The following CETN3 variants were observed in gnomAD, a reference collection of about 807,000 sequenced individuals.
The protein encoded by CETN3 is centrin 3.
Under a neutral mutation model 20.1 loss-of-function variants are expected in CETN3, and 17 were observed. That is an observed-to-expected ratio of 0.85 (90% CI 0.58 to 1.27). CETN3 has a LOEUF of 1.27. Among genes scored for constraint, CETN3 ranks in the 50% most tolerant of loss-of-function variants. The pLI is 0.00. For missense variants in CETN3, 169 were observed against 191.2 expected (o/e 0.88, Z 0.69); for synonymous variants, 52 against 59.7 (o/e 0.87, Z 0.59).
At chr5:90,402,200 C>G (rs143021840) in intron 3 of CETN3, among the ~76,000 whole-genome samples, 10 of 151,864 alleles carry the variant, frequency 6.6e-5, no homozygotes, top group South Asian at 2.1e-4. Flanking sequence ...CCATCCTCAG[C>G]GAAAAAAATA....
intron 4 of CETN3, chr5:90,396,221 A>T: frequency 1.0e-6 from 1 of 985,342 alleles, no homozygotes; most frequent in Non-Finnish European, 1.2e-6. Context: ...GTTAGGAAAA[A>T]TGCACCCTCC....
At chr5:90,402,989 G>A (rs538575613) in intron 3 of CETN3, among the ~76,000 whole-genome samples, 1 of 152,188 alleles carries the variant, frequency 6.6e-6, no homozygotes, top group Non-Finnish European at 1.5e-5. Flanking sequence ...GCAATAATAA[G>A]TAGTACATGT....
Position 90,402,382 on chromosome 5 carries a change from C to T in CETN3, c.269-2833G>A, listed in dbSNP as rs572849491. Among the ~76,000 whole-genome samples, 21 of 152,268 alleles carry T rather than the reference C, an allele frequency of 1.4e-4. No individual in the cohort carries two copies. The East Asian group carries it at 2.7e-3, about 20-fold the overall frequency. ...AAGACTTTACCAATCTGGCCCAATCCTATGTTTCCAGTCATTTCCCTATGT... is the reference window on the plus strand; with the variant it reads ...AAGACTTTACCAATCTGGCCCAATCTTATGTTTCCAGTCATTTCCCTATGT... On this transcript the variant is annotated intron_variant, in intron 3 of 4. Transcript: ENST00000283122.
At chr5:90,400,017 C>T (rs946118767) in intron 3 of CETN3, among the ~76,000 whole-genome samples, 2 of 152,124 alleles carry the variant, frequency 1.3e-5, no homozygotes, top group South Asian at 2.1e-4. Flanking sequence ...AAATTTAATC[C>T]AACTTCAAAA....
At chr5:90,394,898 C>T (rs956036465) in intron 4 of CETN3, among the ~76,000 whole-genome samples, 11 of 152,096 alleles carry the variant, frequency 7.2e-5, no homozygotes, top group Admixed American at 2.0e-4. Context: ...GAAAACCCGA[C>T]ATATGCGCAC....
intron 3 of CETN3, among the ~76,000 whole-genome samples, chr5:90,401,033 T>C (rs552996333): frequency 1.3e-5 from 2 of 152,274 alleles, no homozygotes; most frequent in African/African-American, 4.8e-5. Flanking sequence ...ATAATTTACA[T>C]GACAGGTGAA....
chr5:90,394,890 A>T (rs1749102444), intron 4 of CETN3, among the ~76,000 whole-genome samples: 1 of 152,142 alleles, frequency 6.6e-6, no homozygotes, highest in African/African-American at 2.4e-5. Context: ...ATAATTTTGA[A>T]AACCCGACAT....
At chr5:90,394,386 TCA>T (rs1749093111) in intron 4 of CETN3, among the ~76,000 whole-genome samples, 1 of 152,004 alleles carries the variant, frequency 6.6e-6, no homozygotes. Context: ...AAAAAGTCAA[TCA>T]CAGTCATATT....
chr5:90,396,848 T>G (rs1749148056), intron 4 of CETN3, among the ~76,000 whole-genome samples: 1 of 152,058 alleles, frequency 6.6e-6, no homozygotes, highest in Admixed American at 6.6e-5. Context: ...ACGGTCAGCC[T>G]TCTGTAACCA....
intron 3 of CETN3, among the ~76,000 whole-genome samples, chr5:90,399,923 A>T (rs1749238813): frequency 6.6e-6 from 1 of 152,208 alleles, no homozygotes; most frequent in Non-Finnish European, 1.5e-5. Flanking sequence ...CTACCTGTGG[A>T]GAGACATACC....
At position 90,394,012 on chromosome 5, in the gene CETN3, TAGAATATA is replaced by T; in HGVS notation, c.*44_*51del. ...TTTCACATGGCTCCAGGCACAAAAA[TAGAATATA>T]AGATGGTAACTGCAACATTCTTAGT... On this transcript the variant is annotated 3_prime_UTR_variant, in exon 5 of 5. Transcript: ENST00000283122. The T allele has an allele frequency of 7.8e-7, 1 of 1,281,434 alleles. No homozygotes were observed. Among genetic ancestry groups the T allele is most frequent in the Non-Finnish European group, 1.1e-6 (1 of 899,180 alleles). 79.4% of individuals were successfully genotyped at this position (1,281,434 alleles called of 1,614,324 possible).
At chr5:90,406,456 TG>T (rs1749445363) in intron 2 of CETN3, among the ~76,000 whole-genome samples, 1 of 151,460 alleles carries the variant, frequency 6.6e-6, no homozygotes, top group Admixed American at 6.6e-5. Context: ...TTACCTCACC[TG>T]AATTAGAAAA....
rs748283081 is a variant in CETN3 at position 90,407,742 on chromosome 5, A to G, written c.110T>C (p.Phe37Ser). Residue 37 changes from phenylalanine (F) to serine (S), a missense_variant, in exon 2 of 5, where the codon TTT becomes TCT. Physicochemically the swap from Phe to Ser is radical, Grantham distance 155. Coordinates refer to ENST00000283122, the MANE Select transcript of CETN3 (RefSeq NM_004365.4). ...KQEIKDAFEL[F>S]DTDKDEAIDY... ...TATTGCTTCATCTTTGTCTGTATCAAATAGTTCAAAAGCATCTTTAATTTC... is the reference window on the plus strand; with the variant it reads ...TATTGCTTCATCTTTGTCTGTATCAGATAGTTCAAAAGCATCTTTAATTTC... 2.5e-6 allele frequency: 4 copies of G among 1,586,410 alleles called. No individual in the cohort carries two copies. The highest frequency in any genetic ancestry group is 3.4e-6 in the Non-Finnish European group (4 of 1,159,838).
Position 90,399,438 on chromosome 5 carries a change from G to C in CETN3, c.380C>G (p.Ala127Gly). 6.2e-7 allele frequency: 1 copy of C among 1,613,946 alleles called. No homozygotes were observed. Among genetic ancestry groups the C allele is most frequent in the Non-Finnish European group, 8.5e-7 (1 of 1,179,944 alleles). Residue 127 changes from alanine (A) to glycine (G), a missense_variant, in exon 4 of 5, where the codon GCT becomes GGT. Transcript: ENST00000283122. ...ACTCATGTTTTCACCCAATTCTCTA[G>C]CAACACGTCGCAAATTCCTCAAGCT... is the stretch of plus-strand genomic sequence containing the variant. The part of the protein sequence containing the change: ...KISLRNLRRV[A>G]RELGENMSDE...
chr5:90,404,602 CTG>C (rs1561408178), intron 3 of CETN3, among the ~76,000 whole-genome samples: 1 of 152,150 alleles, frequency 6.6e-6, no homozygotes. Context: ...ATCTTCTGTG[CTG>C]TGTTTTTTTT....
rs1453151209 is a variant in CETN3, at chr5:90,409,750, G to T, written c.-89C>A. On this transcript the variant is annotated 5_prime_UTR_variant, in exon 1 of 5. Transcript: ENST00000283122. ...ACGCCCACAGCCGTTCAACAGACAC[G>T]AACGACCTCAGCGGCCTCAGGGACC... 58 of 1,499,532 alleles carry T rather than the reference G, an allele frequency of 3.9e-5. No individual in the cohort carries two copies. The South Asian group carries it at 5.0e-4, about 13-fold the overall frequency. The allele number at this position is 1,499,532 out of a possible 1,614,324, so 92.9% of individuals were successfully genotyped here.
chr5:90,399,307 A>G lies in CETN3; in HGVS notation c.460+51T>C, dbSNP rs1226545419. On this transcript the variant is annotated intron_variant, in intron 4 of 4. Coordinates refer to ENST00000283122, the MANE Select transcript of CETN3 (RefSeq NM_004365.4). ...TCATTTGGTTTTAGAAAAATGTATT[A>G]CATGTGTAGCATCAGGAAAACCTGG... is the stretch of plus-strand genomic sequence containing the variant. 2 of 1,556,912 alleles carry G rather than the reference A, an allele frequency of 1.3e-6. 1 individual carries two copies. Among genetic ancestry groups the G allele is most frequent in the South Asian group, 2.2e-5 (2 of 89,522 alleles).
At chr5:90,398,955 G>A (rs1033029912) in intron 4 of CETN3, 41 of 287,452 alleles carry the variant, frequency 1.4e-4, no homozygotes, top group Admixed American at 7.3e-4. Flanking sequence ...AAGAATAAAT[G>A]AGGCCATTAT....
intron 4 of CETN3, chr5:90,396,686 C>T: frequency 1.5e-6 from 1 of 648,402 alleles, no homozygotes; most frequent in Non-Finnish European, 2.3e-6. Context: ...ACTTAAAGAT[C>T]TAGAACTTTT....
Sources: gnomAD v4.1 joint callset for allele counts (sites outside exome capture counted in the v4.1 genomes callset) on GRCh38, gnomAD v4.1.1 for gene constraint, MANE v1.5 for transcripts, NCBI Gene and HGNC (gene_info 2026-07-23, HGNC 2026-07-21) for gene names.